PARK7: variants seen among roughly 807,000 people sequenced by gnomAD.
PARK7 encodes Parkinson disease protein 7.
In PARK7, 14 loss-of-function variants were observed where a neutral mutation model predicts 20.5. The observed-to-expected ratio is 0.68, with a 90% confidence interval of 0.45 to 1.07. The LOEUF is 1.07. Among genes scored for constraint, PARK7 ranks in the 50% least tolerant of loss-of-function variants. The pLI, the probability that PARK7 is intolerant of heterozygous loss-of-function variation, is 0.00. For missense variants in PARK7, 234 were observed against 238.1 expected, an observed-to-expected ratio of 0.98 and a Z score of 0.11; for synonymous variants, 98 against 84.3, an observed-to-expected ratio of 1.16 and a Z score of -0.89.
At chr1:7,968,444 C>A (rs1181879684) in intron 3 of PARK7, among the ~76,000 whole-genome samples, 1 of 151,800 alleles carries the variant, frequency 6.6e-6, no homozygotes, top group Admixed American at 6.6e-5. Context: ...TACTAAAATT[C>A]TCCCCCCGTT....
chr1:7,965,206 C>A, intron 2 of PARK7, 118 bp from the exon 3 acceptor site: 1 of 858,782 alleles, frequency 1.2e-6, no homozygotes, highest in Non-Finnish European at 1.9e-6. Flanking sequence ...TGTGTCACTG[C>A]CCTCTAGCCC....
In PARK7 at chr1:7,974,881, G is replaced by A. The variant is rs1037009336; in HGVS notation, c.323-2771G>A. Among the ~76,000 whole-genome samples, 3 of 146,856 alleles carry A rather than the reference G, an allele frequency of 2.0e-5. No individual in the cohort carries two copies. In the Admixed American group the frequency reaches 2.1e-4, roughly 10 times the overall value. On this transcript the variant is annotated intron_variant, in intron 5 of 6. Coordinates refer to ENST00000338639, the MANE Select transcript of PARK7 (RefSeq NM_007262.5). ...TTTTTTTTTTTTTGTTGAAATGGGAGCTTTGCTCTTGTTGCCCAAGCTGGA... is the reference window on the plus strand; with the variant it reads ...TTTTTTTTTTTTTGTTGAAATGGGAACTTTGCTCTTGTTGCCCAAGCTGGA...
chr1:7,977,700 C>A lies in PARK7; in HGVS notation c.371C>A (p.Thr124Lys). 2 of 1,614,120 alleles carry A rather than the reference C, an allele frequency of 1.2e-6. No individual in the cohort carries two copies. Among genetic ancestry groups the A allele is most frequent in the Non-Finnish European group, 1.7e-6 (2 of 1,179,982 alleles). ...AHEIGFGSKVTTHPLAKDKMM... is the reference protein window; with the variant it reads ...AHEIGFGSKVKTHPLAKDKMM... ...GAAATAGGTTTTGGAAGTAAAGTTA[C>A]AACACACCCTCTTGCTAAAGACAAA... is the stretch of plus-strand genomic sequence containing the variant. Residue 124 changes from threonine (T) to lysine (K), a missense_variant, in exon 6 of 7, where the codon ACA (threonine) becomes AAA (lysine). Physicochemically the swap from Thr to Lys is moderately conservative, Grantham distance 78. Coordinates refer to ENST00000338639, the MANE Select transcript of PARK7 (RefSeq NM_007262.5).
intron 6 of PARK7, among the ~76,000 whole-genome samples, chr1:7,982,639 T>A (rs1640736284): frequency 6.6e-6 from 1 of 152,216 alleles, no homozygotes; most frequent in Admixed American, 6.5e-5. Flanking sequence ...CAGTTGTGCC[T>A]CGCGTTGTCC....
intron 6 of PARK7, among the ~76,000 whole-genome samples, chr1:7,982,152 T>TC (rs1264066806): frequency 2.7e-5 from 4 of 149,024 alleles, no homozygotes; most frequent in Non-Finnish European, 4.5e-5. Flanking sequence ...TTTTTGTATT[T>TC]TTTTTTTTTT....
intron 5 of PARK7, among the ~76,000 whole-genome samples, chr1:7,976,751 C>T (rs544397155): frequency 2.6e-5 from 4 of 152,276 alleles, no homozygotes; most frequent in Admixed American, 1.3e-4. Context: ...GACAGAGTCT[C>T]GCTCTGTCGC....
intron 6 of PARK7, 122 bp downstream of exon 6, chr1:7,977,860 A>G (rs1490250926): frequency 1.3e-6 from 1 of 799,006 alleles, no homozygotes; most frequent in African/African-American, 1.7e-5. Context: ...CCCGGGTTCA[A>G]GCGATTCTTC....
intron 2 of PARK7, among the ~76,000 whole-genome samples, chr1:7,963,944 T>C (rs1475277615): frequency 6.6e-6 from 1 of 151,484 alleles, no homozygotes; most frequent in Non-Finnish European, 1.5e-5. Context: ...GCCTCCCAAG[T>C]AGCTGGGATT....
intron 6 of PARK7, among the ~76,000 whole-genome samples, chr1:7,981,248 CT>C (rs1437164759): frequency 1.3e-5 from 2 of 152,184 alleles, no homozygotes; most frequent in Non-Finnish European, 2.9e-5. Context: ...GAGGATAAAC[CT>C]GCTTCAGGAT....
Position 7,985,319 on chromosome 1 carries a change from GAAATT to G in PARK7, c.*271_*275del. The G allele has an allele frequency of 2.1e-6, 1 of 470,616 alleles. No individual in the cohort carries two copies. Among genetic ancestry groups the G allele is most frequent in the East Asian group, 4.3e-5 (1 of 23,456 alleles). The allele number at this position is 470,616 out of a possible 1,614,324, so 29.2% of individuals were successfully genotyped here. A position where few individuals can be genotyped will look rare whatever the true frequency, so the allele number is the denominator to read the frequency against. ...TTGTTTTGTCTCTCATTTCTTTTGT[GAAATT>G]AAATTCCGTATCACCTTCATTTGCA... On this transcript the variant is annotated 3_prime_UTR_variant, in exon 7 of 7. Coordinates refer to ENST00000338639, the MANE Select transcript of PARK7 (RefSeq NM_007262.5).
rs574483570 is a variant in PARK7, at chr1:7,977,222, G to A, written c.323-430G>A. On this transcript the variant is annotated intron_variant, in intron 5 of 6. Coordinates refer to ENST00000338639, the MANE Select transcript of PARK7 (RefSeq NM_007262.5). ...TCCCTGTTCTGGGGATGGGGAAGGT[G>A]AGAGAGGTGAGCACATTTTGTTTAT... Among the ~76,000 whole-genome samples, 263 of 152,302 alleles carry A rather than the reference G, an allele frequency of 1.7e-3. 1 individual carries two copies. The highest frequency in any genetic ancestry group is 5.8e-3 in the African/African-American group (243 of 41,554).
intron 4 of PARK7, 33 bp downstream of exon 4, chr1:7,969,437 A>G: frequency 1.1e-6 from 1 of 943,408 alleles, no homozygotes; most frequent in Non-Finnish European, 1.7e-6. Context: ...ACCTCAATAA[A>G]GCTGGGGGGG....
chr1:7,961,970 TTGAC>T (rs1316262040), intron 1 of PARK7, 177 bp downstream of exon 1: 4 of 152,384 alleles, frequency 2.6e-5, no homozygotes, highest in African/African-American at 9.6e-5. Flanking sequence ...GGCGTTGGAT[TTGAC>T]TGACCGCCAG....
intron 5 of PARK7, among the ~76,000 whole-genome samples, chr1:7,974,791 A>G (rs1425888468): frequency 6.6e-6 from 1 of 152,034 alleles, no homozygotes; most frequent in Non-Finnish European, 1.5e-5. Context: ...TGGGAATGGA[A>G]CAGAGGAGTG....
chr1:7,984,152 A>C lies in PARK7; in HGVS notation c.410-742A>C, dbSNP rs1412241718. 2.0e-5 allele frequency among the ~76,000 whole-genome samples: 3 copies of C among 152,002 alleles called. No homozygotes were observed. Among genetic ancestry groups the C allele is most frequent in the African/African-American group, 7.3e-5 (3 of 41,352 alleles). ...GGAGCAGCCCTTGAGCTCTTCCTGG[A>C]GCAGGAGAGAACGTGTTGTATACAG... On this transcript the variant is annotated intron_variant, in intron 6 of 6. Coordinates refer to ENST00000338639, the MANE Select transcript of PARK7 (RefSeq NM_007262.5). This position sits in a 1 kb window ranked among gnomAD's most constrained non-coding sequence, Gnocchi z 4.3.
chr1:7,969,286 A>C (rs745934619), intron 3 of PARK7, 59 bp from the exon 4 acceptor site: 66 of 1,406,262 alleles, frequency 4.7e-5, no homozygotes, highest in South Asian at 3.7e-4. Flanking sequence ...TGGACTGTCA[A>C]TTTAATGCAC....
At chr1:7,962,740 C>CTTTTTTTTTT (rs370370394) in intron 1 of PARK7, 23 bp from the exon 2 acceptor site, 4 of 1,153,686 alleles carry the variant, frequency 3.5e-6, no homozygotes, top group African/African-American at 3.6e-5. Context: ...TTTTTGAAAT[C>CTTTTTTTTTT]TTTTTTTTTT....
intron 4 of PARK7, among the ~76,000 whole-genome samples, chr1:7,970,338 G>A (rs923373460): frequency 6.6e-5 from 10 of 152,154 alleles, no homozygotes; most frequent in African/African-American, 2.4e-4. Flanking sequence ...TTTTGAGAAG[G>A]GCAAATTGTC....
At chr1:7,963,464 A>G (rs1578090301) in intron 2 of PARK7, among the ~76,000 whole-genome samples, 1 of 148,434 alleles carries the variant, frequency 6.7e-6, no homozygotes, top group South Asian at 2.2e-4. Flanking sequence ...GCTCGCTGCA[A>G]CCTCTGCCTC....
Sources: gnomAD v4.1 joint callset for allele counts (sites outside exome capture counted in the v4.1 genomes callset) on GRCh38, gnomAD v4.1.1 for gene constraint, Gnocchi (gnomAD v3.1) non-coding constraint, MANE v1.5 for transcripts, NCBI Gene and HGNC (gene_info 2026-07-23, HGNC 2026-07-21) for gene names.